POU6F2: variants seen among roughly 807,000 people sequenced by gnomAD.
POU6F2 encodes the protein POU class 6 homeobox 2.
Under a neutral mutation model 71.3 loss-of-function variants are expected in POU6F2, and 31 were observed. The observed-to-expected ratio is 0.43, with a 90% confidence interval of 0.33 to 0.59. The LOEUF is 0.59. Ranked by LOEUF, POU6F2 falls within the 20% of genes least tolerant of loss-of-function variation. The pLI is 0.04. For synonymous variants in POU6F2, 347 were observed against 355.7 expected (o/e 0.98, Z 0.27); for missense variants, 783 against 856.8 (o/e 0.91, Z 1.07).
intron 2 of POU6F2, among the ~76,000 whole-genome samples, chr7:39,164,543 G>A (rs574610707): frequency 6.6e-6 from 1 of 151,584 alleles, no homozygotes; most frequent in African/African-American, 2.4e-5. Flanking sequence ...CTCTGGGTGT[G>A]CTAAGTCACA....
At chr7:39,357,137 A>G (rs1786277746) in intron 5 of POU6F2, among the ~76,000 whole-genome samples, 1 of 152,170 alleles carries the variant, frequency 6.6e-6, no homozygotes, top group Non-Finnish European at 1.5e-5. Context: ...ACCCAAAGAA[A>G]ATGAAAATGG....
intron 4 of POU6F2, among the ~76,000 whole-genome samples, chr7:39,280,051 T>G (rs570113982): frequency 1.3e-5 from 2 of 152,230 alleles, no homozygotes; most frequent in South Asian, 4.2e-4. Flanking sequence ...AGCCCAAATT[T>G]TCCCTTTTAT....
At chr7:39,094,771 G>C (rs1375841417) in intron 2 of POU6F2, among the ~76,000 whole-genome samples, 1 of 152,100 alleles carries the variant, frequency 6.6e-6, no homozygotes, top group African/African-American at 2.4e-5. Context: ...TGTTTTAAAA[G>C]CATGAAAAAT....
chr7:39,277,792 C>T (rs909569250), intron 4 of POU6F2, among the ~76,000 whole-genome samples: 4 of 152,080 alleles, frequency 2.6e-5, no homozygotes, highest in African/African-American at 9.7e-5. Context: ...GGAGCGGTGG[C>T]TCACACCTGT....
chr7:39,177,349 C>T (rs1222973200), intron 2 of POU6F2, among the ~76,000 whole-genome samples: 2 of 152,128 alleles, frequency 1.3e-5, no homozygotes, highest in East Asian at 1.9e-4. Flanking sequence ...AGTGGGGGCA[C>T]CTGTGTTAGA....
At chr7:39,026,310 T>C (rs1315869049) in intron 1 of POU6F2, among the ~76,000 whole-genome samples, 1 of 151,994 alleles carries the variant, frequency 6.6e-6, no homozygotes, top group African/African-American at 2.4e-5. Context: ...CGTATGTTTA[T>C]TGCGGCACTA....
intron 5 of POU6F2, among the ~76,000 whole-genome samples, chr7:39,386,214 A>G (rs767051895): frequency 1.3e-5 from 2 of 151,574 alleles, no homozygotes; most frequent in Non-Finnish European, 2.9e-5. Context: ...CCAGGCCTGC[A>G]CCATAGCTTG....
intron 5 of POU6F2, among the ~76,000 whole-genome samples, chr7:39,398,893 A>G (rs1389088428): frequency 6.6e-6 from 1 of 152,196 alleles, no homozygotes; most frequent in Non-Finnish European, 1.5e-5. Context: ...CTACAATGTC[A>G]TTACAACTAT....
chr7:38,983,689 C>T (rs1022375580), intron 1 of POU6F2, among the ~76,000 whole-genome samples: 4 of 151,988 alleles, frequency 2.6e-5, no homozygotes, highest in Admixed American at 1.3e-4. Flanking sequence ...GTGAATATTG[C>T]TTAATTTTTA....
At chr7:39,281,534 A>G (rs1329868807) in intron 4 of POU6F2, among the ~76,000 whole-genome samples, 1 of 152,112 alleles carries the variant, frequency 6.6e-6, no homozygotes, top group East Asian at 1.9e-4. Context: ...GATCCCACAT[A>G]TGTGTGAGAA....
chr7:39,226,820 T>C (rs898905354), intron 4 of POU6F2, among the ~76,000 whole-genome samples: 1 of 152,224 alleles, frequency 6.6e-6, no homozygotes, highest in African/African-American at 2.4e-5. Context: ...CCTTTTCTGT[T>C]TGATAAAAAA....
At chr7:39,437,105 G>A (rs898339919) in intron 7 of POU6F2, among the ~76,000 whole-genome samples, 15 of 152,118 alleles carry the variant, frequency 9.9e-5, no homozygotes, top group African/African-American at 3.4e-4. Context: ...GTCTCTTCCC[G>A]ATTGTGGTAT....
At chr7:39,363,534 C>A (rs933404353) in intron 5 of POU6F2, among the ~76,000 whole-genome samples, 1 of 150,828 alleles carries the variant, frequency 6.6e-6, no homozygotes, top group Non-Finnish European at 1.5e-5. Flanking sequence ...TATGTAAAGC[C>A]AGAGGCCTGG....
intron 1 of POU6F2, among the ~76,000 whole-genome samples, chr7:39,038,956 G>A (rs981978374): frequency 1.2e-4 from 18 of 151,714 alleles, no homozygotes; most frequent in Admixed American, 4.6e-4. Context: ...TAATAATGAG[G>A]GAAGACAAAA....
At chr7:39,091,244 A>G (rs974127288) in intron 2 of POU6F2, among the ~76,000 whole-genome samples, 14 of 152,144 alleles carry the variant, frequency 9.2e-5, no homozygotes, top group East Asian at 1.9e-4. Flanking sequence ...GTGCACTTCA[A>G]TGGGGGACAG....
intron 4 of POU6F2, among the ~76,000 whole-genome samples, chr7:39,208,998 C>A (rs2128746237): frequency 6.6e-6 from 1 of 152,132 alleles, no homozygotes. Context: ...GCTCAAAGAG[C>A]TCCTAGGCCA....
chr7:39,088,866 A>G (rs1430533625), intron 2 of POU6F2, among the ~76,000 whole-genome samples: 1 of 152,210 alleles, frequency 6.6e-6, no homozygotes, highest in East Asian at 1.9e-4. Context: ...CCCTCACAGT[A>G]TGGTACCTTC....
At position 39,025,474 on chromosome 7, in the gene POU6F2, A is replaced by T. The variant is rs556702868; in HGVS notation, c.105+47416A>T. On this transcript the variant is annotated intron_variant, in intron 1 of 9. Transcript: ENST00000518318. ...TCTACAACTATCTGTTCTTTGACAA[A>T]CCTGAGAAAAACAGGCAATGGGGAA... Among the ~76,000 whole-genome samples the T allele has an allele frequency of 1.2e-3, 190 of 152,268 alleles. 1 individual carries two copies. The highest frequency in any genetic ancestry group is 4.4e-3 in the African/African-American group (184 of 41,568).
intron 2 of POU6F2, among the ~76,000 whole-genome samples, chr7:39,167,999 T>A (rs1793145661): frequency 6.6e-6 from 1 of 152,164 alleles, no homozygotes; most frequent in Non-Finnish European, 1.5e-5. Context: ...TTATTATTTT[T>A]AAAAATAGAT....
Sources: allele counts gnomAD v4.1 joint callset (sites outside exome capture counted in the v4.1 genomes callset), GRCh38; gene constraint gnomAD v4.1.1; transcripts MANE v1.5; gene names NCBI Gene and HGNC (gene_info 2026-07-23, HGNC 2026-07-21).